The following ITGA1 variants were observed in gnomAD, a reference collection of about 807,000 sequenced individuals.
The protein encoded by ITGA1 is integrin subunit alpha 1, also known as integrin alpha-1.
ITGA1 carries 85 observed loss-of-function variants against 145.9 expected under a neutral mutation model. The observed-to-expected ratio is 0.58, with a 90% CI of 0.49 to 0.70. The LOEUF (loss-of-function observed/expected upper bound fraction) is 0.70. Among genes scored for constraint, ITGA1 ranks in the 30% least tolerant of loss-of-function variants. The pLI is 0.00. For missense variants in ITGA1, 1,351 were observed against 1,418.7 expected, an observed-to-expected ratio of 0.95 and a Z score of 0.77; for synonymous variants, 520 against 495.3, an observed-to-expected ratio of 1.05 and a Z score of -0.66.
intron 7 of ITGA1, among the ~76,000 whole-genome samples, chr5:52,885,221 A>G (rs1007449554): frequency 2.0e-5 from 3 of 152,122 alleles, no homozygotes; most frequent in African/African-American, 7.2e-5. Context: ...AGTTTTACAG[A>G]GGCTTGATCA....
At chr5:52,818,366 T>C (rs561953229) in intron 1 of ITGA1, among the ~76,000 whole-genome samples, 2 of 152,344 alleles carry the variant, frequency 1.3e-5, no homozygotes, top group South Asian at 4.1e-4. Flanking sequence ...TTTACTGTTT[T>C]TCTGTGATAG....
At chr5:52,856,590 A>G (rs545244089) in intron 2 of ITGA1, among the ~76,000 whole-genome samples, 156 of 152,058 alleles carry the variant, frequency 1.0e-3, no homozygotes, top group African/African-American at 3.5e-3. Flanking sequence ...TTAAATCTTC[A>G]TCGCTCTCTA....
intron 1 of ITGA1, chr5:52,800,783 AC>A: frequency 1.2e-6 from 2 of 1,613,898 alleles, no homozygotes; most frequent in Non-Finnish European, 1.7e-6. Context: ...CAGGCCTGTG[AC>A]CCAGCCTGGA....
chr5:52,948,587 CCAAA>C (rs572108789), intron 28 of ITGA1, among the ~76,000 whole-genome samples: 119 of 152,238 alleles, frequency 7.8e-4, no homozygotes, highest in African/African-American at 2.7e-3. Context: ...GCAAAGTTCC[CCAAA>C]CAAAATTCTC....
intron 1 of ITGA1, among the ~76,000 whole-genome samples, chr5:52,831,767 G>GGT (rs145172594): frequency 0.97 from 147,052 of 152,020 alleles, 71,310 homozygotes; most frequent in Non-Finnish European, 1. Flanking sequence ...CCTTTCACAT[G>GGT]GGACTTTTAT....
Position 52,843,550 on chromosome 5 carries a change from G to A in ITGA1, c.62-5815G>A, listed in dbSNP as rs142766880. ...ACAGTAATACTCCTTGGAACTCAAG[G>A]ATGCGTACAAGAGGGTGGCTTCCTT... On this transcript the variant is annotated intron_variant, in intron 1 of 28. Transcript: ENST00000282588. 4.9e-3 allele frequency among the ~76,000 whole-genome samples: 751 copies of A among 152,234 alleles called. 8 individuals are homozygous for A. The highest frequency in any genetic ancestry group is 0.018 in the African/African-American group (728 of 41,526).
chr5:52,901,698 G>T (rs545106885), intron 11 of ITGA1: 7 of 152,106 alleles, frequency 4.6e-5, no homozygotes, highest in African/African-American at 1.7e-4. Flanking sequence ...TTGGTTAAAC[G>T]TTGCTTAAAG....
At chr5:52,800,902 A>G in intron 1 of ITGA1, 2 of 1,613,800 alleles carry the variant, frequency 1.2e-6, no homozygotes, top group Non-Finnish European at 1.7e-6. Context: ...CATCCCTAGG[A>G]AAAGGAAAGG....
At chr5:52,834,448 G>A (rs543874851) in intron 1 of ITGA1, among the ~76,000 whole-genome samples, 1 of 151,530 alleles carries the variant, frequency 6.6e-6, no homozygotes, top group Non-Finnish European at 1.5e-5. Flanking sequence ...GAGAAAGGGG[G>A]TGGAGAGAGA....
At chr5:52,949,892 T>G (rs1751192525) in intron 28 of ITGA1, among the ~76,000 whole-genome samples, 1 of 111,412 alleles carries the variant, frequency 9.0e-6, no homozygotes, top group Admixed American at 9.0e-5. Context: ...ATCAGACACC[T>G]CAGGACTATC....
intron 1 of ITGA1, chr5:52,801,480 T>C (rs1748483412): frequency 6.2e-7 from 1 of 1,614,028 alleles, no homozygotes; most frequent in African/African-American, 1.3e-5. Context: ...CTAGCCGCCT[T>C]TCAGACACTA....
chr5:52,838,285 A>G (rs1303646900), intron 1 of ITGA1, among the ~76,000 whole-genome samples: 3 of 152,198 alleles, frequency 2.0e-5, no homozygotes, highest in Non-Finnish European at 4.4e-5. Context: ...CATTGAGAAA[A>G]ATAGTCTATT....
At chr5:52,837,704 T>G (rs1386147607) in intron 1 of ITGA1, among the ~76,000 whole-genome samples, 1 of 152,020 alleles carries the variant, frequency 6.6e-6, no homozygotes, top group Non-Finnish European at 1.5e-5. Flanking sequence ...AAGATACTCT[T>G]GTAGACTAAT....
At chr5:52,801,326 G>A in intron 1 of ITGA1, 3 of 1,245,138 alleles carry the variant, frequency 2.4e-6, no homozygotes, top group Non-Finnish European at 3.4e-6. Flanking sequence ...CCTTACTAGC[G>A]CTTTTGGCTT....
intron 8 of ITGA1, 108 bp from the exon 9 acceptor site, chr5:52,893,567 C>G (rs1050449459): frequency 5.6e-6 from 5 of 899,382 alleles, no homozygotes; most frequent in Non-Finnish European, 7.9e-6. Flanking sequence ...ATAAAAATTC[C>G]ATTATGCTAA....
chr5:52,834,885 A>G (rs138935538), intron 1 of ITGA1, among the ~76,000 whole-genome samples: 21 of 152,194 alleles, frequency 1.4e-4, no homozygotes, highest in Admixed American at 5.9e-4. Flanking sequence ...CAACATATGA[A>G]TCTCAGGGGA....
At chr5:52,801,952 G>A (rs1383984317) in intron 1 of ITGA1, 1 of 732,462 alleles carries the variant, frequency 1.4e-6, no homozygotes, top group Non-Finnish European at 2.2e-6. Context: ...ATTCATACAG[G>A]GATTTCTTAT....
At chr5:52,903,460 A>G (rs1750348430) in intron 11 of ITGA1, 1 of 152,236 alleles carries the variant, frequency 6.6e-6, no homozygotes, top group South Asian at 2.1e-4. Context: ...ATAATAATAA[A>G]AAACCCTCAA....
chr5:52,812,370 G>T (rs1748695662), intron 1 of ITGA1, among the ~76,000 whole-genome samples: 1 of 152,182 alleles, frequency 6.6e-6, no homozygotes, highest in Non-Finnish European at 1.5e-5. Flanking sequence ...ACTTCTTGAA[G>T]CTTATAATCA....
Sources: gnomAD v4.1 joint callset for allele counts (sites outside exome capture counted in the v4.1 genomes callset) on GRCh38, gnomAD v4.1.1 for gene constraint, MANE v1.5 for transcripts, NCBI Gene and HGNC (gene_info 2026-07-23, HGNC 2026-07-21) for gene names.